Variants in NLGN1 observed in about 807,000 individuals in gnomAD.
NLGN1 encodes neuroligin-1.
In NLGN1, 12 loss-of-function variants were observed where a neutral mutation model predicts 65.5. The ratio of observed to expected loss-of-function variants is 0.18; its 90% confidence interval spans 0.12 to 0.30. The LOEUF (loss-of-function observed/expected upper bound fraction) is 0.30. Ranked by LOEUF, NLGN1 falls within the 10% of genes least tolerant of loss-of-function variation. The pLI, the probability that NLGN1 is intolerant of heterozygous loss-of-function variation, is 1.00. For synonymous variants in NLGN1, 350 were observed against 359.5 expected, an observed-to-expected ratio of 0.97 and a Z score of 0.30; for missense variants, 750 against 1,007.1, an observed-to-expected ratio of 0.74 and a Z score of 3.46.
chr3:174,159,856 G>A (rs1726166903), intron 4 of NLGN1, among the ~76,000 whole-genome samples: 1 of 151,610 alleles, frequency 6.6e-6, no homozygotes. Context: ...ACCTTCGCTA[G>A]GCATTTAACA....
At chr3:173,940,264 T>C (rs2152307146) in intron 4 of NLGN1, among the ~76,000 whole-genome samples, 1 of 151,906 alleles carries the variant, frequency 6.6e-6, no homozygotes, top group Admixed American at 6.6e-5. Flanking sequence ...AATTTTTGTA[T>C]TTTTAGGAGA....
intron 4 of NLGN1, among the ~76,000 whole-genome samples, chr3:173,818,895 CT>C (rs200212547): frequency 0.016 from 1,440 of 92,392 alleles, 77 homozygotes; most frequent in Non-Finnish European, 0.019. Flanking sequence ...TTGAATAGTT[CT>C]TTTTTTTTTT....
At chr3:173,539,518 TATATGTATATATAC>T (rs1354228325) in intron 2 of NLGN1, among the ~76,000 whole-genome samples, 4 of 144,164 alleles carry the variant, frequency 2.8e-5, no homozygotes, top group South Asian at 2.1e-4. Flanking sequence ...TATGTACATG[TATATGTATATATAC>T]ATATGTATAT....
chr3:173,418,706 C>G (rs554703244), intron 1 of NLGN1, among the ~76,000 whole-genome samples: 1 of 152,258 alleles, frequency 6.6e-6, no homozygotes, highest in Admixed American at 6.5e-5. Context: ...AGCTATAGAT[C>G]TTTGTTACTG....
chr3:173,545,584 C>A lies in NLGN1; in HGVS notation c.-320-58695C>A, dbSNP rs76513098. Among the ~76,000 whole-genome samples the A allele has an allele frequency of 3.9e-3, 594 of 152,142 alleles. 18 individuals are homozygous for A. The South Asian group carries it at 0.053, about 14-fold the overall frequency. ...AGGGTAATGGCCCCACCATCCATCC[C>A]ATTACTGGCTATATACCCAAAGTAT... On this transcript the variant is annotated intron_variant, in intron 2 of 6. Coordinates refer to ENST00000457714, the Ensembl canonical transcript of NLGN1.
intron 4 of NLGN1, among the ~76,000 whole-genome samples, chr3:173,988,008 A>T (rs941816213): frequency 1.3e-5 from 2 of 152,196 alleles, no homozygotes; most frequent in African/African-American, 4.8e-5. Context: ...CAATATAAAG[A>T]TGCATAGCTA....
Position 174,280,448 on chromosome 3 carries a change from C to T in NLGN1, c.1650-33C>T, listed in dbSNP as rs554701684. 97 of 1,417,150 alleles carry T rather than the reference C, an allele frequency of 6.8e-5. No homozygotes were observed. In the African/African-American group the frequency reaches 1.3e-3, roughly 19 times the overall value. 87.8% of individuals were successfully genotyped at this position (1,417,150 alleles called of 1,614,324 possible). On this transcript the variant is annotated intron_variant, in intron 6 of 6. Transcript: ENST00000457714. This position sits in a 1 kb window ranked among gnomAD's most constrained non-coding sequence, Gnocchi z 4.9. ...TGATTTTAAGTAAAAAATAAAATAG[C>T]TTTATTCTCATAATTTATCTTTTCC...
intron 3 of NLGN1, among the ~76,000 whole-genome samples, chr3:173,651,078 GTC>G: frequency 6.6e-6 from 1 of 151,766 alleles, no homozygotes; most frequent in Non-Finnish European, 1.5e-5. Flanking sequence ...TCCCTCACCT[GTC>G]TCCCACCCTC....
intron 4 of NLGN1, among the ~76,000 whole-genome samples, chr3:173,861,808 G>T (rs141271448): frequency 0.015 from 2,234 of 151,922 alleles, 50 homozygotes; most frequent in African/African-American, 0.051. Context: ...GCCCAGGCTG[G>T]AGTGCAGTGG....
At chr3:174,022,210 G>A (rs1482013165) in intron 4 of NLGN1, among the ~76,000 whole-genome samples, 2 of 151,902 alleles carry the variant, frequency 1.3e-5, no homozygotes, top group Non-Finnish European at 2.9e-5. Context: ...GCAACCCTTG[G>A]GTCTCTCTTC....
intron 4 of NLGN1, among the ~76,000 whole-genome samples, chr3:174,172,565 G>A (rs1338604307): frequency 2.0e-5 from 3 of 152,012 alleles, no homozygotes; most frequent in African/African-American, 7.2e-5. Flanking sequence ...ACCATCTATT[G>A]AAGAGTCTGT....
chr3:173,530,270 T>G (rs1577124737), intron 2 of NLGN1, among the ~76,000 whole-genome samples: 2 of 152,186 alleles, frequency 1.3e-5, no homozygotes, highest in Admixed American at 1.3e-4. Context: ...GGGCACTTTC[T>G]GTGTGCCTAG....
chr3:174,232,619 TG>T (rs1407398398), intron 4 of NLGN1, among the ~76,000 whole-genome samples: 1 of 152,118 alleles, frequency 6.6e-6, no homozygotes, highest in Non-Finnish European at 1.5e-5. Flanking sequence ...CAGTAAATAA[TG>T]TAGGCTCATA....
At chr3:174,143,287 G>C (rs149906204) in intron 4 of NLGN1, among the ~76,000 whole-genome samples, 76 of 152,276 alleles carry the variant, frequency 5.0e-4, no homozygotes, top group African/African-American at 1.8e-3. Flanking sequence ...AGATTTTATA[G>C]AGCAGGAAGA....
At chr3:174,203,212 G>C (rs1355750377) in intron 4 of NLGN1, among the ~76,000 whole-genome samples, 1 of 152,090 alleles carries the variant, frequency 6.6e-6, no homozygotes, top group East Asian at 1.9e-4. Context: ...ATCTAGACAA[G>C]AGCAGTAATT....
intron 5 of NLGN1, among the ~76,000 whole-genome samples, chr3:174,278,124 T>C (rs1750923989): frequency 6.6e-6 from 1 of 151,972 alleles, no homozygotes; most frequent in Non-Finnish European, 1.5e-5. Context: ...AAAACAGTAG[T>C]GTACATTCAA....
chr3:173,639,363 T>G (rs550533337), intron 3 of NLGN1, among the ~76,000 whole-genome samples: 3 of 152,094 alleles, frequency 2.0e-5, no homozygotes, highest in East Asian at 3.9e-4. Context: ...CAGAACTTGG[T>G]CTGGCAGCAA....
chr3:174,070,951 A>C (rs1449728345), intron 4 of NLGN1, among the ~76,000 whole-genome samples: 3 of 152,086 alleles, frequency 2.0e-5, no homozygotes, highest in African/African-American at 7.2e-5. Flanking sequence ...GCTACTCCAG[A>C]GGCTGATGTG....
chr3:174,088,806 A>AAATAAAAC (rs1553930932), intron 4 of NLGN1, among the ~76,000 whole-genome samples: 53 of 147,682 alleles, frequency 3.6e-4, no homozygotes, highest in Admixed American at 3.4e-3. Flanking sequence ...ATAAATAAAT[A>AAATAAAAC]AAACTAGATT....
Sources: allele counts gnomAD v4.1 joint callset (sites outside exome capture counted in the v4.1 genomes callset), GRCh38; gene constraint gnomAD v4.1.1; non-coding constraint Gnocchi (gnomAD v3.1); transcripts MANE v1.5; gene names NCBI Gene and HGNC (gene_info 2026-07-23, HGNC 2026-07-21).